The following SEC14L1 variants were observed in gnomAD, a reference collection of about 807,000 sequenced individuals.
SEC14L1 encodes SEC14-like protein 1.
SEC14L1 carries 48 observed loss-of-function variants against 85.3 expected under a neutral mutation model. The ratio of observed to expected loss-of-function variants is 0.56; its 90% CI spans 0.45 to 0.72. The LOEUF (loss-of-function observed/expected upper bound fraction) is 0.72. Ranked by LOEUF, SEC14L1 falls within the 30% of genes least tolerant of loss-of-function variation. The probability of loss-of-function intolerance (pLI) is 0.00; values close to 1 mark genes in which losing one functional copy is unlikely to be tolerated. For synonymous variants in SEC14L1, 391 were observed against 355.5 expected (o/e 1.10, Z -1.12); for missense variants, 682 against 921.4 (o/e 0.74, Z 3.36).
At chr17:77,183,027 A>G (rs1975106035) in intron 3 of SEC14L1, among the ~76,000 whole-genome samples, 1 of 152,258 alleles carries the variant, frequency 6.6e-6, no homozygotes, top group Admixed American at 6.5e-5. Flanking sequence ...AGCTTCGGGC[A>G]GACCTAAAAT....
chr17:77,167,633 T>C (rs1311790788), intron 3 of SEC14L1, among the ~76,000 whole-genome samples: 1 of 152,232 alleles, frequency 6.6e-6, no homozygotes. Flanking sequence ...TATTAACATC[T>C]TGTGTGATAC....
At position 77,205,140 on chromosome 17, in the gene SEC14L1, G is replaced by A. The variant is rs1368417050; in HGVS notation, c.1099-136G>A. 7.2e-6 allele frequency: 5 copies of A among 689,736 alleles called. No individual in the cohort carries two copies. The Admixed American group carries it at 1.4e-4, about 19-fold the overall frequency. 42.7% of individuals were successfully genotyped at this position (689,736 alleles called of 1,614,324 possible). On this transcript the variant is annotated intron_variant, in intron 10 of 16. Coordinates refer to ENST00000436233, the MANE Select transcript of SEC14L1 (RefSeq NM_001143998.2). ...GTGTTTAGCGCATGTGAATGTGTAAGAAAATCTCCATAGGTGACTTTTTTG... is the reference window on the plus strand; with the variant it reads ...GTGTTTAGCGCATGTGAATGTGTAAAAAAATCTCCATAGGTGACTTTTTTG...
chr17:77,208,114 T>A (rs1322591072), intron 13 of SEC14L1, among the ~76,000 whole-genome samples: 2 of 152,204 alleles, frequency 1.3e-5, no homozygotes, highest in African/African-American at 4.8e-5. Context: ...GGTATTTAGC[T>A]AATGAATTGG....
intron 3 of SEC14L1, among the ~76,000 whole-genome samples, chr17:77,167,146 CTTTTTTTTTT>C (rs72037954): frequency 3.7e-5 from 5 of 134,578 alleles, no homozygotes; most frequent in African/African-American, 1.4e-4. Context: ...TTTCTTTTTC[CTTTTTTTTTT>C]TTTTTTTTTG....
At chr17:77,114,633 G>A (rs1425590725) in intron 3 of SEC14L1, among the ~76,000 whole-genome samples, 16 of 150,672 alleles carry the variant, frequency 1.1e-4, no homozygotes, top group African/African-American at 3.2e-4. Flanking sequence ...TCGGGAGTTC[G>A]AGACCAGCCT....
intron 2 of SEC14L1, among the ~76,000 whole-genome samples, chr17:77,090,969 C>CAAAAAAAAA (rs760589758): frequency 1.1e-5 from 1 of 89,750 alleles, no homozygotes. Context: ...GACCCTGTCT[C>CAAAAAAAAA]AAAAAAAAAA....
At chr17:77,111,555 T>C (rs1416436699) in intron 3 of SEC14L1, among the ~76,000 whole-genome samples, 1 of 152,118 alleles carries the variant, frequency 6.6e-6, no homozygotes, top group African/African-American at 2.4e-5. Context: ...CCCAAGGCCA[T>C]GGGAGCCCAC....
chr17:77,186,290 G>A (rs1279212769), intron 3 of SEC14L1, among the ~76,000 whole-genome samples: 6 of 152,104 alleles, frequency 3.9e-5, no homozygotes, highest in South Asian at 2.1e-4. Flanking sequence ...GGGTCCTGCC[G>A]CCACCTGAGG....
Position 77,215,365 on chromosome 17 carries a change from C to T in SEC14L1, c.*1342C>T, listed in dbSNP as rs1216825738. The T allele has an allele frequency of 2.0e-6, 2 of 985,320 alleles. No individual in the cohort carries two copies. The highest frequency in any genetic ancestry group is 1.7e-5 in the African/African-American group (1 of 57,192). The allele number at this position is 985,320 out of a possible 1,614,324, so 61.0% of individuals were successfully genotyped here. ...GACATGCAACACGTGTTTCTGTGTGCAGCAGAGGCCGTGTTTTTCATGCCA... is the reference window on the plus strand; with the variant it reads ...GACATGCAACACGTGTTTCTGTGTGTAGCAGAGGCCGTGTTTTTCATGCCA... On this transcript the variant is annotated 3_prime_UTR_variant, in exon 17 of 17. Coordinates refer to ENST00000436233, the MANE Select transcript of SEC14L1 (RefSeq NM_001143998.2).
chr17:77,135,544 C>T (rs774132053), intron 3 of SEC14L1, among the ~76,000 whole-genome samples: 5 of 151,654 alleles, frequency 3.3e-5, no homozygotes, highest in Non-Finnish European at 7.4e-5. Context: ...TCCTTTCTTT[C>T]GAGACAGTGT....
chr17:77,160,549 C>T (rs1974011361), intron 3 of SEC14L1, among the ~76,000 whole-genome samples: 1 of 152,196 alleles, frequency 6.6e-6, no homozygotes, highest in South Asian at 2.1e-4. Flanking sequence ...TGTAGACATT[C>T]TTGTTTGCCT....
At chr17:77,120,516 G>A (rs546849913) in intron 3 of SEC14L1, among the ~76,000 whole-genome samples, 2 of 150,350 alleles carry the variant, frequency 1.3e-5, no homozygotes, top group African/African-American at 4.9e-5. Context: ...TTGCTCTGTC[G>A]CCCAGGCTGG....
At chr17:77,180,334 T>A (rs1325784528) in intron 3 of SEC14L1, among the ~76,000 whole-genome samples, 1 of 150,910 alleles carries the variant, frequency 6.6e-6, no homozygotes, top group Non-Finnish European at 1.5e-5. Context: ...TCAGGTGATC[T>A]GCCCGCCTTG....
chr17:77,211,714 C>T, intron 14 of SEC14L1: 1 of 563,316 alleles, frequency 1.8e-6, no homozygotes, highest in Non-Finnish European at 3.2e-6. Context: ...GATCTTGGAC[C>T]TCTAGGTGCA....
intron 3 of SEC14L1, among the ~76,000 whole-genome samples, chr17:77,135,514 CTT>C (rs1567884936): frequency 6.6e-6 from 1 of 151,450 alleles, no homozygotes; most frequent in East Asian, 1.9e-4. Context: ...TTCTTTCTCT[CTT>C]TCTTTGTCTT....
intron 3 of SEC14L1, among the ~76,000 whole-genome samples, chr17:77,174,064 C>G (rs1007540827): frequency 5.9e-5 from 9 of 152,074 alleles, no homozygotes; most frequent in African/African-American, 1.9e-4. Context: ...CCACACCTGG[C>G]TAATTTTTTG....
Position 77,187,737 on chromosome 17 carries a change from A to ATT in SEC14L1, c.64-3049_64-3048dup, listed in dbSNP as rs34369532. ...TTCACATGCACCATGGGCTACTGGA[A>ATT]TTTTTTTTTTTTTTTTTTGGAGACA... On this transcript the variant is annotated intron_variant, in intron 3 of 16. Coordinates refer to ENST00000436233, the MANE Select transcript of SEC14L1 (RefSeq NM_001143998.2). 2.2e-3 allele frequency among the ~76,000 whole-genome samples: 300 copies of ATT among 135,088 alleles called. 2 individuals are homozygous for ATT. Among genetic ancestry groups the ATT allele is most frequent in the African/African-American group, 3.3e-3 (120 of 36,114 alleles). The allele number at this position is 135,088 out of a possible 152,430, so 88.6% of individuals were successfully genotyped here.
chr17:77,201,724 C>G (rs535357780), intron 9 of SEC14L1, among the ~76,000 whole-genome samples: 265 of 152,286 alleles, frequency 1.7e-3, no homozygotes, highest in Non-Finnish European at 3.1e-3. Flanking sequence ...GCAGGAATTA[C>G]AGGCGTGAGC....
intron 3 of SEC14L1, among the ~76,000 whole-genome samples, chr17:77,166,386 C>T (rs1360978616): frequency 6.6e-6 from 1 of 152,206 alleles, no homozygotes; most frequent in Admixed American, 6.5e-5. Context: ...AATGGTGGAA[C>T]TGGGATTTGA....
Sources: allele counts gnomAD v4.1 joint callset (sites outside exome capture counted in the v4.1 genomes callset), GRCh38; gene constraint gnomAD v4.1.1; transcripts MANE v1.5; gene names NCBI Gene and HGNC (gene_info 2026-07-23, HGNC 2026-07-21).